Variants in NEBL observed in about 807,000 individuals in gnomAD.
The protein encoded by NEBL is LIM and SH3 protein 2.
In NEBL, 122 loss-of-function variants were observed where a neutral mutation model predicts 140.2. The observed-to-expected ratio is 0.87, with a 90% CI of 0.75 to 1.01. NEBL has a LOEUF of 1.01. Ranked by LOEUF, NEBL falls within the 50% of genes least tolerant of loss-of-function variation. The pLI, the probability that NEBL is intolerant of heterozygous loss-of-function variation, is 0.00. For missense variants in NEBL, 1,365 were observed against 1,231.3 expected (o/e 1.11, Z -1.62); for synonymous variants, 436 against 398.9 (o/e 1.09, Z -1.11).
chr10:20,991,390 CAATT>C (rs1837449478), intron 3 of NEBL, among the ~76,000 whole-genome samples: 1 of 151,932 alleles, frequency 6.6e-6, no homozygotes, highest in Non-Finnish European at 1.5e-5. Context: ...AATTGACAAT[CAATT>C]TAGTCACATT....
intron 2 of NEBL, among the ~76,000 whole-genome samples, chr10:21,094,499 C>CAAAAAAAAA (rs72278772): frequency 4.7e-5 from 3 of 63,186 alleles, no homozygotes; most frequent in Non-Finnish European, 5.8e-5. Context: ...GACTCCGTCT[C>CAAAAAAAAA]AAAAAAAAAA....
At chr10:20,952,669 A>G (rs1266114376) in intron 4 of NEBL, among the ~76,000 whole-genome samples, 1 of 151,868 alleles carries the variant, frequency 6.6e-6, no homozygotes, top group African/African-American at 2.4e-5. Context: ...CTTTGGGAAG[A>G]CGAGGTGGGC....
At chr10:21,049,812 T>C (rs996198805) in intron 2 of NEBL, among the ~76,000 whole-genome samples, 6 of 152,226 alleles carry the variant, frequency 3.9e-5, no homozygotes, top group African/African-American at 1.4e-4. Context: ...GGAAGGCCAC[T>C]TAGAGGCAAA....
At chr10:21,030,173 C>T in intron 2 of NEBL, 1 of 484,408 alleles carries the variant, frequency 2.1e-6, no homozygotes, top group South Asian at 1.9e-5. Flanking sequence ...TAAGTTGCAG[C>T]ATCAGCTGGA....
chr10:20,889,810 A>C, intron 3 of NEBL, 35 bp downstream of exon 3: 1 of 1,274,838 alleles, frequency 7.8e-7, no homozygotes. Flanking sequence ...GAAAAAGATA[A>C]ATGCAAGCCA....
chr10:21,263,192 T>C (rs1842761432), intron 1 of NEBL, among the ~76,000 whole-genome samples: 1 of 152,222 alleles, frequency 6.6e-6, no homozygotes, highest in Non-Finnish European at 1.5e-5. Context: ...TTAATCCTCA[T>C]ACCACTTGAG....
intron 26 of NEBL, among the ~76,000 whole-genome samples, chr10:20,799,948 T>A (rs866976778): frequency 2.0e-5 from 3 of 150,454 alleles, no homozygotes; most frequent in Admixed American, 6.7e-5. Flanking sequence ...TGTGTGTGTG[T>A]GAGACGGAGA....
intron 2 of NEBL, among the ~76,000 whole-genome samples, chr10:21,108,759 G>A (rs907288638): frequency 1.4e-4 from 21 of 152,048 alleles, no homozygotes; most frequent in Admixed American, 6.6e-5. Flanking sequence ...ATTAGCAGTG[G>A]GGTGTTAAAG....
intron 3 of NEBL, among the ~76,000 whole-genome samples, chr10:20,986,731 CTTG>C (rs1837271558): frequency 6.6e-6 from 1 of 152,104 alleles, no homozygotes; most frequent in South Asian, 2.1e-4. Context: ...GACAGAGAAA[CTTG>C]TTTTCTCTTG....
intron 2 of NEBL, among the ~76,000 whole-genome samples, chr10:21,087,700 C>T (rs905182230): frequency 3.3e-5 from 5 of 152,150 alleles, no homozygotes; most frequent in Non-Finnish European, 5.9e-5. Context: ...CAATTAGTTC[C>T]GCTGTTTGAG....
intron 26 of NEBL, among the ~76,000 whole-genome samples, chr10:20,788,460 T>TAATAAGTGAG (rs1835629046): frequency 1.3e-5 from 2 of 152,174 alleles, no homozygotes; most frequent in East Asian, 3.8e-4. Context: ...AAATTCACTC[T>TAATAAGTGAG]AATAAGTGAG....
At chr10:21,164,804 C>T (rs1301888914) in intron 2 of NEBL, among the ~76,000 whole-genome samples, 2 of 152,270 alleles carry the variant, frequency 1.3e-5, no homozygotes, top group Admixed American at 6.5e-5. Context: ...AAAGTATCTC[C>T]TTCCTTTGTT....
At position 20,784,672 on chromosome 10, in the gene NEBL, C is replaced by T. The variant is rs1284487506; in HGVS notation, c.*1075G>A. ...TCACACTCCAGCTTCCATTGCTTCA[C>T]TGGCTTCTGTTACATTTTCTTCACT... On this transcript the variant is annotated 3_prime_UTR_variant, in exon 28 of 28. Transcript: ENST00000377122. 6.6e-6 allele frequency: 1 copy of T among 152,188 alleles called. No homozygotes were observed. The highest frequency in any genetic ancestry group is 1.5e-5 in the Non-Finnish European group (1 of 68,036). 9.4% of individuals were successfully genotyped at this position (152,188 alleles called of 1,614,324 possible).
intron 8 of NEBL, 25 bp downstream of exon 8, chr10:20,859,688 T>C (rs1393943024): frequency 7.0e-7 from 1 of 1,422,448 alleles, no homozygotes; most frequent in Admixed American, 1.7e-5. Flanking sequence ...ATTTTGAAAA[T>C]AATTTTCTAT....
In NEBL at chr10:21,146,304, C is replaced by T. The variant is rs1316799987; in HGVS notation, c.164+26079G>A. ...CACCACGTGGCCCTGTCTCAGCACA[C>T]CCATGCAGTATAAACCTGCCCCCAA... On this transcript the variant is annotated intron_variant, in intron 2 of 6. Coordinates refer to the NEBL transcript ENST00000417816. The T allele has an allele frequency of 1.3e-6, 2 of 1,559,604 alleles. 1 individual carries two copies. Among genetic ancestry groups the T allele is most frequent in the Admixed American group, 3.6e-5 (2 of 56,242 alleles).
chr10:21,224,207 G>A (rs57832314), intron 3 of NEBL, among the ~76,000 whole-genome samples: 295 of 152,154 alleles, frequency 1.9e-3, no homozygotes, highest in African/African-American at 6.6e-3. Flanking sequence ...GAGAGATAGG[G>A]GTCTAGTTTC....
chr10:20,943,709 T>G (rs1835015303), intron 4 of NEBL, among the ~76,000 whole-genome samples: 1 of 152,246 alleles, frequency 6.6e-6, no homozygotes, highest in South Asian at 2.1e-4. Context: ...CTTCCTTTGC[T>G]TTTAACTAGG....
exon 1 of NEBL, chr10:21,174,099 G>T (rs946949624): frequency 5.3e-6 from 5 of 942,638 alleles, no homozygotes; most frequent in Non-Finnish European, 6.5e-6. Context: ...TGCGTCGCTC[G>T]CACTCCAGGT....
chr10:20,947,160 C>T (rs1294124196), intron 4 of NEBL, among the ~76,000 whole-genome samples: 1 of 152,130 alleles, frequency 6.6e-6, no homozygotes, highest in South Asian at 2.1e-4. Flanking sequence ...TTCAGCAATG[C>T]CTGTGGATGT....
Sources: allele counts gnomAD v4.1 joint callset (sites outside exome capture counted in the v4.1 genomes callset), GRCh38; gene constraint gnomAD v4.1.1; transcripts MANE v1.5; gene names NCBI Gene and HGNC (gene_info 2026-07-23, HGNC 2026-07-21).